Variants in RNLS observed in about 807,000 individuals in gnomAD.
The protein encoded by RNLS is renalase, FAD dependent amine oxidase.
RNLS carries 39 observed loss-of-function variants against 39.8 expected under a neutral mutation model. The ratio of observed to expected loss-of-function variants is 0.98; its 90% CI spans 0.76 to 1.28. The LOEUF (loss-of-function observed/expected upper bound fraction) is 1.28. Among genes scored for constraint, RNLS ranks in the 50% most tolerant of loss-of-function variants. The pLI is 0.00. For synonymous variants in RNLS, 147 were observed against 150.7 expected (o/e 0.98, Z 0.18); for missense variants, 410 against 413.3 (o/e 0.99, Z 0.07).
chr10:88,573,601 C>T (rs1322905921), intron 3 of RNLS, among the ~76,000 whole-genome samples: 11 of 152,130 alleles, frequency 7.2e-5, no homozygotes, highest in Non-Finnish European at 1.3e-4. Flanking sequence ...AATGCAAGTT[C>T]TCATCAATAG....
the RNLS span, among the ~76,000 whole-genome samples, chr10:88,208,115 G>A: frequency 1.3e-5 from 2 of 152,064 alleles, no homozygotes; most frequent in Non-Finnish European, 2.9e-5. Context: ...CTCTATAGGC[G>A]AATTGTACCA....
At chr10:88,480,104 C>T (rs1459609264) in intron 4 of RNLS, among the ~76,000 whole-genome samples, 2 of 152,186 alleles carry the variant, frequency 1.3e-5, no homozygotes, top group Non-Finnish European at 2.9e-5. Context: ...ATCTAATTTG[C>T]ATAGGCCTAT....
chr10:88,467,203 T>C (rs1055447224), intron 4 of RNLS, among the ~76,000 whole-genome samples: 1 of 152,090 alleles, frequency 6.6e-6, no homozygotes, highest in African/African-American at 2.4e-5. Flanking sequence ...TACCTTTGCT[T>C]TATAGCCTCA....
At chr10:88,475,411 T>C (rs1843757228) in intron 4 of RNLS, among the ~76,000 whole-genome samples, 1 of 152,226 alleles carries the variant, frequency 6.6e-6, no homozygotes, top group Non-Finnish European at 1.5e-5. Context: ...GGCTAGATCT[T>C]AGCCTCAGAG....
chr10:88,290,043 AC>A (rs1157538392), intron 6 of RNLS, among the ~76,000 whole-genome samples: 5 of 152,154 alleles, frequency 3.3e-5, no homozygotes, highest in East Asian at 3.9e-4. Flanking sequence ...AAAAGTTCAC[AC>A]AAAAAAGTGC....
chr10:88,318,346 C>T (rs1195173208), intron 5 of RNLS, among the ~76,000 whole-genome samples: 1 of 152,190 alleles, frequency 6.6e-6, no homozygotes, highest in Non-Finnish European at 1.5e-5. Context: ...AAGGAAGTGG[C>T]ACCAATCGGT....
chr10:88,476,578 A>T (rs1397646900), intron 4 of RNLS, among the ~76,000 whole-genome samples: 1 of 152,178 alleles, frequency 6.6e-6, no homozygotes. Flanking sequence ...ACATTCCTTT[A>T]TCTTATTCAT....
At chr10:88,402,524 T>C (rs1473554408) in intron 4 of RNLS, among the ~76,000 whole-genome samples, 1 of 151,966 alleles carries the variant, frequency 6.6e-6, no homozygotes, top group East Asian at 1.9e-4. Context: ...TTTTTTATAA[T>C]ACTAATAAAT....
intron 3 of RNLS, among the ~76,000 whole-genome samples, chr10:88,581,094 T>C (rs78657646): frequency 0.01 from 1,589 of 151,990 alleles, 30 homozygotes; most frequent in African/African-American, 0.036. Context: ...AGAAAGCTAA[T>C]AGTTAAATAA....
intron 5 of RNLS, among the ~76,000 whole-genome samples, chr10:88,349,834 C>G (rs1652098622): frequency 6.6e-6 from 1 of 151,908 alleles, no homozygotes; most frequent in Admixed American, 6.6e-5. Context: ...TATGACAACA[C>G]TAAAATAATG....
the RNLS span, among the ~76,000 whole-genome samples, chr10:88,247,758 C>T: frequency 6.6e-6 from 1 of 152,206 alleles, no homozygotes; most frequent in Admixed American, 6.5e-5. Context: ...TTAAGATTAA[C>T]CTGATCACCT....
intron 3 of RNLS, among the ~76,000 whole-genome samples, chr10:88,573,352 A>G (rs1849969153): frequency 6.6e-6 from 1 of 152,244 alleles, no homozygotes; most frequent in Admixed American, 6.5e-5. Context: ...CAGCTACTAT[A>G]TGCCAGCTGC....
At chr10:88,283,836 A>G (rs533235617), downstream of RNLS, among the ~76,000 whole-genome samples, 5 of 152,216 alleles carry the variant, frequency 3.3e-5, no homozygotes, top group African/African-American at 1.2e-4. Flanking sequence ...GGAGGAGAGG[A>G]TCAGGAAAAA....
At position 88,275,049 on chromosome 10, in the gene RNLS, T is replaced by G. The variant is rs767766364; in HGVS notation, c.877-17A>C. The G allele has an allele frequency of 6.2e-6, 10 of 1,605,164 alleles. No individual in the cohort carries two copies. In the South Asian group the frequency reaches 9.9e-5, roughly 16 times the overall value. On this transcript the variant is annotated splice_polypyrimidine_tract_variant and intron_variant, in intron 6 of 6. Transcript: ENST00000371947. ...ACTTGGTACCTGAAAATCAAAGGAA[T>G]ATCCTTCAACCCCAGTGCCACCCAA...
chr10:88,238,469 T>TGAGGCTG, the RNLS span, among the ~76,000 whole-genome samples: 1 of 152,242 alleles, frequency 6.6e-6, no homozygotes, highest in African/African-American at 2.4e-5. Context: ...AACAGGGAGT[T>TGAGGCTG]GAGGCTGGAG....
chr10:88,290,915 A>G (rs1463544305), intron 6 of RNLS, among the ~76,000 whole-genome samples: 3 of 152,178 alleles, frequency 2.0e-5, no homozygotes, highest in Non-Finnish European at 4.4e-5. Context: ...TCACTGGGAA[A>G]GAAAGGTTTT....
intron 4 of RNLS, among the ~76,000 whole-genome samples, chr10:88,560,823 A>G (rs1741373528): frequency 1.3e-5 from 2 of 152,094 alleles, no homozygotes; most frequent in African/African-American, 2.4e-5. Context: ...TGGTCTACAT[A>G]TAGACCATCA....
At chr10:88,359,692 A>G (rs1484358583) in intron 5 of RNLS, among the ~76,000 whole-genome samples, 1 of 152,244 alleles carries the variant, frequency 6.6e-6, no homozygotes, top group African/African-American at 2.4e-5. Context: ...GATATAAAAA[A>G]TTTTTAAAAT....
chr10:88,227,683 T>A, the RNLS span, among the ~76,000 whole-genome samples: 1 of 152,224 alleles, frequency 6.6e-6, no homozygotes, highest in Non-Finnish European at 1.5e-5. Context: ...TTTCTGGGTA[T>A]GACTTTACTT....
Sources: allele counts gnomAD v4.1 joint callset (sites outside exome capture counted in the v4.1 genomes callset), GRCh38; gene constraint gnomAD v4.1.1; transcripts MANE v1.5; gene names NCBI Gene and HGNC (gene_info 2026-07-23, HGNC 2026-07-21).